Variants in UGT1A6 observed in about 807,000 individuals in gnomAD.
UGT1A6 encodes the protein UDP-glucuronosyltransferase 1A6.
A neutral mutation model predicts 44.4 loss-of-function variants in UGT1A6; 32 were observed. That is an observed-to-expected ratio of 0.72 (90% confidence interval 0.54 to 0.97). The LOEUF (loss-of-function observed/expected upper bound fraction) is 0.97. Among genes scored for constraint, UGT1A6 ranks in the 50% least tolerant of loss-of-function variants. The pLI is 0.00. For missense variants in UGT1A6, 685 were observed against 661.9 expected (o/e 1.03, Z -0.38); for synonymous variants, 238 against 248.5 (o/e 0.96, Z 0.40).
At chr2:233,729,672 TAAGG>T (rs769537040) in intron 1 of UGT1A6, 1 of 1,613,976 alleles carries the variant, frequency 6.2e-7, no homozygotes, top group Non-Finnish European at 8.5e-7. Flanking sequence ...ATTTAGACTT[TAAGG>T]GCACACAGTG....
chr2:233,738,354 G>A lies in UGT1A6; in HGVS notation c.862-28680G>A, dbSNP rs1033187922. Among the ~76,000 whole-genome samples the A allele has an allele frequency of 9.2e-5, 14 of 152,188 alleles. 1 individual carries two copies. Among genetic ancestry groups the A allele is most frequent in the Admixed American group, 7.2e-4 (11 of 15,278 alleles). The stretch of plus-strand genomic sequence containing the variant: ...ACAGTAAATTGGTGTCATGGAGAGT[G>A]GGGTACTGCTATAAAACTACTTGAA... On this transcript the variant is annotated intron_variant, in intron 1 of 4. Coordinates refer to ENST00000305139, the MANE Select transcript of UGT1A6 (RefSeq NM_001072.4).
At chr2:233,766,838 C>A (rs906628829) in intron 1 of UGT1A6, among the ~76,000 whole-genome samples, 196 bp from the exon 2 acceptor site, 7 of 152,156 alleles carry the variant, frequency 4.6e-5, no homozygotes, top group African/African-American at 1.7e-4. Context: ...TAAGCAGGAA[C>A]CCTTCCTCCT....
chr2:233,755,084 G>T (rs779610585), intron 1 of UGT1A6: 29 of 1,335,184 alleles, frequency 2.2e-5, no homozygotes, highest in Non-Finnish European at 2.9e-5. Context: ...CATAGATATC[G>T]CGTTTCTACG....
intron 1 of UGT1A6, among the ~76,000 whole-genome samples, chr2:233,696,855 A>C (rs1199759556): frequency 6.6e-6 from 1 of 152,166 alleles, no homozygotes; most frequent in Admixed American, 6.5e-5. Flanking sequence ...ATTTTGTTGA[A>C]TGTTTTTTCA....
At chr2:233,770,661 TAAAAA>T (rs112650156) in intron 4 of UGT1A6, 1 of 137,296 alleles carries the variant, frequency 7.3e-6, no homozygotes, top group Non-Finnish European at 1.6e-5. Flanking sequence ...CCGTCTTACT[TAAAAA>T]AAAAAAAAAG....
intron 4 of UGT1A6, chr2:233,771,178 A>T (rs1700251427): frequency 6.6e-6 from 1 of 152,240 alleles, no homozygotes; most frequent in African/African-American, 2.4e-5. Flanking sequence ...GGGGATTACA[A>T]TTCAACATGA....
rs1232427897 is a variant in UGT1A6 at position 233,693,265 on chromosome 2, G to A, written c.261G>A (p.Leu87=). The A allele has an allele frequency of 1.2e-6, 2 of 1,614,108 alleles. No individual in the cohort carries two copies. Among genetic ancestry groups the A allele is most frequent in the South Asian group, 2.2e-5 (2 of 91,036 alleles). ...IYPVPYDQEE[L]KNRYQSFGNN... ...CAGTGCCGTATGACCAAGAAGAGCT[G>A]AAGAACCGTTACCAATCATTTGGAA... The change falls in exon 1 of 5, where the codon CTG becomes CTA. Residue 87 remains leucine, a synonymous_variant. Coordinates refer to ENST00000305139, the MANE Select transcript of UGT1A6 (RefSeq NM_001072.4).
At chr2:233,733,439 G>T (rs1332999216) in intron 1 of UGT1A6, among the ~76,000 whole-genome samples, 5 of 152,168 alleles carry the variant, frequency 3.3e-5, no homozygotes, top group Non-Finnish European at 7.3e-5. Context: ...GATATTGGCT[G>T]CGGGTTTGTC....
At chr2:233,700,864 C>A (rs1043981415) in intron 1 of UGT1A6, among the ~76,000 whole-genome samples, 1 of 151,810 alleles carries the variant, frequency 6.6e-6, no homozygotes, top group Non-Finnish European at 1.5e-5. Flanking sequence ...TAATGCTATC[C>A]CTCCCTCCTC....
chr2:233,712,131 C>T (rs1390486210), intron 1 of UGT1A6, among the ~76,000 whole-genome samples: 1 of 152,152 alleles, frequency 6.6e-6, no homozygotes, highest in Non-Finnish European at 1.5e-5. Context: ...AAGACTGGAG[C>T]CTTCAGCATT....
rs781412186 is a variant in UGT1A6, at chr2:233,767,080, T to C, written c.908T>C (p.Val303Ala). 6.2e-7 allele frequency: 1 copy of C among 1,614,096 alleles called. No individual in the cohort carries two copies. Among genetic ancestry groups the C allele is most frequent in the South Asian group, 1.1e-5 (1 of 91,078 alleles). ...INASGEHGIV[V>A]FSLGSMVSEI... The stretch of plus-strand genomic sequence containing the variant: ...GCTTCTGGAGAACATGGAATTGTGG[T>C]TTTCTCTTTGGGATCAATGGTCTCA... The change falls in exon 2 of 5, where the codon GTT becomes GCT. Residue 303 changes from valine (V) to alanine (A), a missense_variant. By Grantham distance (64) the Val-to-Ala change is moderately conservative. Transcript: ENST00000305139.
rs753373133 is a variant in UGT1A6, at chr2:233,768,431, T to C, written c.1293T>C (p.Asn431=). The change falls in exon 4 of 5, where the codon AAT becomes AAC. Residue 431 remains asparagine (N), a synonymous_variant. Coordinates refer to ENST00000305139, the MANE Select transcript of UGT1A6 (RefSeq NM_001072.4). ...AAAATGCTCTAAAAGCAGTCATCAA[T>C]GACAAAAGGTAAGAAAGAAGATACA... The part of the protein sequence containing the change: ...DLENALKAVI[N]DKSYKENIMR... 2 of 1,613,926 alleles carry C rather than the reference T, an allele frequency of 1.2e-6. No homozygotes were observed. The highest frequency in any genetic ancestry group is 1.7e-6 in the Non-Finnish European group (2 of 1,179,924).
chr2:233,749,668 C>T (rs1454528355), intron 1 of UGT1A6, among the ~76,000 whole-genome samples: 2 of 151,734 alleles, frequency 1.3e-5, no homozygotes, highest in Non-Finnish European at 2.9e-5. Flanking sequence ...CCCCATAATC[C>T]CCACGTGTCA....
chr2:233,703,067 G>C (rs28899181), intron 1 of UGT1A6, among the ~76,000 whole-genome samples: 84 of 152,340 alleles, frequency 5.5e-4, no homozygotes, highest in African/African-American at 1.9e-3. Context: ...TAGTGAAGCT[G>C]TCTGGGCCTA....
At chr2:233,743,706 C>A in intron 1 of UGT1A6, 1 of 1,367,368 alleles carries the variant, frequency 7.3e-7, no homozygotes, top group Non-Finnish European at 9.8e-7. Context: ...TCCGCCCCCG[C>A]CTCGCCATAG....
At chr2:233,718,115 A>C (rs571741074) in intron 1 of UGT1A6, 31 of 307,724 alleles carry the variant, frequency 1.0e-4, no homozygotes, top group Middle Eastern at 2.3e-3. Flanking sequence ...AGCACCTCTT[A>C]TTCCATGGTG....
intron 4 of UGT1A6, chr2:233,771,117 G>A (rs1700240855): frequency 6.6e-6 from 1 of 152,076 alleles, no homozygotes; most frequent in Admixed American, 6.6e-5. Context: ...AAGCACAAGG[G>A]ATCCGACCCC....
chr2:233,769,592 C>T lies in UGT1A6; in HGVS notation c.1301+1153C>T, dbSNP rs199786512. ...TGGAGCATGTTCAGATGAGAGGAGA[C>T]GGAACACGGGGACACACCAGCTTGA... On this transcript the variant is annotated intron_variant, in intron 4 of 4. Transcript: ENST00000305139. This position sits in a 1 kb window ranked among gnomAD's most constrained non-coding sequence, Gnocchi z 4.4. The T allele has an allele frequency of 1.8e-3, 2,836 of 1,612,822 alleles. 7 individuals carry two copies. The highest frequency in any genetic ancestry group is 2.6e-3 in the Middle Eastern group (16 of 6,052).
chr2:233,768,401 T>C lies in UGT1A6; in HGVS notation c.1263T>C (p.Asp421=), dbSNP rs767318575. The change falls in exon 4 of 5, where the codon GAT becomes GAC. Residue 421 remains aspartate (D), a synonymous_variant. Coordinates refer to ENST00000305139, the MANE Select transcript of UGT1A6 (RefSeq NM_001072.4). ...TLNVLEMTSE[D]LENALKAVIN... is the part of the protein sequence containing the mutation. The stretch of plus-strand genomic sequence containing the variant: ...ATGTTCTGGAAATGACTTCTGAAGA[T>C]TTAGAAAATGCTCTAAAAGCAGTCA... 1 of 1,614,148 alleles carries C rather than the reference T, an allele frequency of 6.2e-7. No homozygotes were observed. The highest frequency in any genetic ancestry group is 1.3e-5 in the African/African-American group (1 of 75,034).
Sources: allele counts gnomAD v4.1 joint callset (sites outside exome capture counted in the v4.1 genomes callset), GRCh38; gene constraint gnomAD v4.1.1; non-coding constraint Gnocchi (gnomAD v3.1); transcripts MANE v1.5; gene names NCBI Gene and HGNC (gene_info 2026-07-23, HGNC 2026-07-21).